CHRNA7: variants seen among roughly 807,000 people sequenced by gnomAD.
The protein encoded by CHRNA7 is neuronal acetylcholine receptor subunit alpha-7.
In CHRNA7, 17 loss-of-function variants were observed where a neutral mutation model predicts 48.0. The ratio of observed to expected loss-of-function variants is 0.35; its 90% CI spans 0.24 to 0.53. CHRNA7 has a LOEUF of 0.53. Among genes scored for constraint, CHRNA7 ranks in the 20% least tolerant of loss-of-function variants. The pLI is 0.92. For synonymous variants in CHRNA7, 75 were observed against 242.3 expected, an observed-to-expected ratio of 0.31 and a Z score of 6.41; for missense variants, 155 against 577.7, an observed-to-expected ratio of 0.27 and a Z score of 7.50.
intron 2 of CHRNA7, among the ~76,000 whole-genome samples, chr15:32,052,132 T>C (rs11071511): frequency 0.88 from 133,892 of 151,920 alleles, 59,659 homozygotes; most frequent in South Asian, 0.95. Context: ...GGCTCCCCTC[T>C]CTTCCTGGAT....
intron 2 of CHRNA7, among the ~76,000 whole-genome samples, chr15:32,037,311 A>G (rs1389827227): frequency 6.6e-6 from 1 of 152,178 alleles, no homozygotes; most frequent in African/African-American, 2.4e-5. Flanking sequence ...TTCATCAATA[A>G]CACAGTCTTG....
intron 2 of CHRNA7, among the ~76,000 whole-genome samples, chr15:32,074,392 A>G (rs186530153): frequency 6.8e-6 from 1 of 147,284 alleles, no homozygotes; most frequent in Admixed American, 6.7e-5. Context: ...AGCCAGTGCA[A>G]TAAGTTCAAG....
Position 32,101,606 on chromosome 15 carries a change from AC to A in CHRNA7, c.240+260del, listed in dbSNP as rs1364616965. On this transcript the variant is annotated intron_variant, in intron 3 of 9. Transcript: ENST00000306901. ...GGTAATGTGGGGACACTTCAGAAGC[AC>A]TTCAGGCAAGACAAGAAGATACAGG... 6.9e-6 allele frequency: 3 copies of A among 433,064 alleles called. No homozygotes were observed. In the East Asian group the frequency reaches 1.2e-4, roughly 18 times the overall value. The allele number at this position is 433,064 out of a possible 1,614,324, so 26.8% of individuals were successfully genotyped here. A position where few individuals can be genotyped will look rare whatever the true frequency, so the allele number is the denominator to read the frequency against.
intron 2 of CHRNA7, among the ~76,000 whole-genome samples, chr15:32,094,379 G>T (rs1269721332): frequency 6.6e-6 from 1 of 152,122 alleles, no homozygotes; most frequent in African/African-American, 2.4e-5. Flanking sequence ...AACCAACCAG[G>T]TTTCAAAGAT....
chr15:32,093,240 C>T (rs781566419), intron 2 of CHRNA7, among the ~76,000 whole-genome samples: 54 of 152,308 alleles, frequency 3.5e-4, no homozygotes, highest in Middle Eastern at 3.4e-3. Context: ...TCTGCTAATT[C>T]AAGATCGATT....
intron 2 of CHRNA7, among the ~76,000 whole-genome samples, chr15:32,086,859 TATC>T (rs1450959653): frequency 3.9e-5 from 6 of 152,214 alleles, no homozygotes; most frequent in Non-Finnish European, 7.3e-5. Flanking sequence ...TATTATATGT[TATC>T]ATATCATATC....
At chr15:32,147,938 G>C (rs997865049) in intron 4 of CHRNA7, among the ~76,000 whole-genome samples, 1 of 152,180 alleles carries the variant, frequency 6.6e-6, no homozygotes, top group Non-Finnish European at 1.5e-5. Context: ...TGGGGAATTG[G>C]CAGCTTTTTT....
intron 2 of CHRNA7, among the ~76,000 whole-genome samples, chr15:32,032,080 ATCATGTTGATGAATG>A (rs1901869272): frequency 6.6e-6 from 1 of 152,246 alleles, no homozygotes; most frequent in African/African-American, 2.4e-5. Flanking sequence ...TACCCGCACT[ATCATGTTGATGAATG>A]GTATATCACT....
At chr15:32,033,597 A>G (rs997088197) in intron 2 of CHRNA7, among the ~76,000 whole-genome samples, 9 of 152,254 alleles carry the variant, frequency 5.9e-5, no homozygotes, top group African/African-American at 2.2e-4. Context: ...CGAAGTCTCT[A>G]TCAGACATAA....
chr15:32,098,389 C>G (rs1038525877), intron 2 of CHRNA7, among the ~76,000 whole-genome samples: 2 of 152,102 alleles, frequency 1.3e-5, no homozygotes, highest in African/African-American at 4.8e-5. Context: ...CGGTCAAGGT[C>G]TTATAGGAGA....
chr15:32,059,944 C>CAAAAAAAAAAAAAAAAAAAAA (rs34200550), intron 2 of CHRNA7, among the ~76,000 whole-genome samples: 2 of 33,052 alleles, frequency 6.1e-5, no homozygotes, highest in Non-Finnish European at 4.9e-5. Context: ...AGTAGAAAAG[C>CAAAAAAAAAAAAAAAAAAAAA]AAAAAAAAAA....
chr15:32,085,549 G>T (rs558810188), intron 2 of CHRNA7, among the ~76,000 whole-genome samples: 28 of 152,326 alleles, frequency 1.8e-4, no homozygotes, highest in Admixed American at 4.6e-4. Context: ...ATGCTTAGAG[G>T]ATTAACAGTG....
At chr15:32,138,902 C>T (rs1045712447) in intron 4 of CHRNA7, among the ~76,000 whole-genome samples, 5 of 152,022 alleles carry the variant, frequency 3.3e-5, no homozygotes, top group East Asian at 1.9e-4. Context: ...TACAGGTGCA[C>T]GCCACCACGC....
intron 2 of CHRNA7, 175 bp from the exon 3 acceptor site, chr15:32,101,128 T>G: frequency 1.7e-6 from 1 of 598,552 alleles, no homozygotes; most frequent in South Asian, 2.4e-5. Context: ...TTGGAATAAA[T>G]AGAAAAGCTT....
chr15:32,084,601 G>A (rs756414357), intron 2 of CHRNA7, among the ~76,000 whole-genome samples: 2 of 152,220 alleles, frequency 1.3e-5, no homozygotes, highest in African/African-American at 2.4e-5. Context: ...TTTAATAAAT[G>A]TGCAAGTCTT....
intron 2 of CHRNA7, among the ~76,000 whole-genome samples, chr15:32,037,764 A>G (rs1902161566): frequency 6.6e-6 from 1 of 152,090 alleles, no homozygotes; most frequent in African/African-American, 2.4e-5. Context: ...TGTCTTCTGC[A>G]AAGTTGCTGT....
At chr15:32,108,086 T>G (rs2050700655) in intron 3 of CHRNA7, among the ~76,000 whole-genome samples, 1 of 151,912 alleles carries the variant, frequency 6.6e-6, no homozygotes, top group African/African-American at 2.4e-5. Context: ...CTCTCATCCC[T>G]TTCCCCTCCT....
chr15:32,080,406 GTCTAATATCCAGAATCTACAA>G (rs1272435057), intron 2 of CHRNA7, among the ~76,000 whole-genome samples: 2 of 151,946 alleles, frequency 1.3e-5, no homozygotes, highest in Non-Finnish European at 2.9e-5. Context: ...TCTGACAAAG[GTCTAATATCCAGAATCTACAA>G]TGAACTAAAC....
At chr15:32,122,231 C>T (rs1314759363) in intron 4 of CHRNA7, among the ~76,000 whole-genome samples, 1 of 152,144 alleles carries the variant, frequency 6.6e-6, no homozygotes, top group Non-Finnish European at 1.5e-5. Context: ...TGCTGGAGGC[C>T]AGAACCTGGG....
Sources: gnomAD v4.1 joint callset for allele counts (sites outside exome capture counted in the v4.1 genomes callset) on GRCh38, gnomAD v4.1.1 for gene constraint, MANE v1.5 for transcripts, NCBI Gene and HGNC (gene_info 2026-07-23, HGNC 2026-07-21) for gene names.